Variants in RNF40 observed in about 807,000 individuals in gnomAD.
RNF40 encodes ring finger protein 40.
In RNF40, 39 loss-of-function variants were observed where a neutral mutation model predicts 123.3. The ratio of observed to expected loss-of-function variants is 0.32; its 90% CI spans 0.24 to 0.41. RNF40 has a LOEUF of 0.41. Ranked by LOEUF, RNF40 falls within the 10% of genes least tolerant of loss-of-function variation. The pLI, the probability that RNF40 is intolerant of heterozygous loss-of-function variation, is 1.00. For missense variants in RNF40, 1,003 were observed against 1,319.9 expected, an observed-to-expected ratio of 0.76 and a Z score of 3.72; for synonymous variants, 538 against 526.0, an observed-to-expected ratio of 1.02 and a Z score of -0.31.
intron 19 of RNF40, 144 bp downstream of exon 19, chr16:30,772,334 G>A (rs2054162726): frequency 2.7e-6 from 2 of 749,658 alleles, no homozygotes; most frequent in African/African-American, 1.7e-5. Flanking sequence ...GTCAAATGCT[G>A]TTTGCTGTAC....
At position 30,763,559 on chromosome 16, in the gene RNF40, G is replaced by A. The variant is rs558403561; in HGVS notation, c.442G>A (p.Asp148Asn). Residue 148 changes from aspartate to asparagine, a missense_variant and splice_region_variant, in exon 4 of 20, where the codon GAC (aspartate) becomes AAC (asparagine). By Grantham distance (23) the Asp-to-Asn change is conservative (BLOSUM62 1). This residue lies in a region of RNF40 where 104 missense variants were observed against 85.2 expected (regional missense o/e 1.22). Coordinates refer to ENST00000324685, the MANE Select transcript of RNF40 (RefSeq NM_014771.4). ...LPEPGTSELRDPLLMQLRPPL... is the reference protein window; with the variant it reads ...LPEPGTSELRNPLLMQLRPPL... ...AGAGCCGGGGACATCAGAGCTGAGA[G>A]GTAGGACCAGAGTGCTGGGATCTGG... is the stretch of plus-strand genomic sequence containing the variant. The A allele has an allele frequency of 7.4e-6, 12 of 1,613,926 alleles. 1 individual carries two copies. The South Asian group carries it at 1.3e-4, about 18-fold the overall frequency.
chr16:30,764,109 T>C (rs2053976710), intron 4 of RNF40, 70 bp from the exon 5 acceptor site: 1 of 1,310,110 alleles, frequency 7.6e-7, no homozygotes, highest in Non-Finnish European at 1.1e-6. Context: ...AAGGGCTCAG[T>C]CTGGAACTTG....
In RNF40 at chr16:30,771,976, G is replaced by A. The variant is rs778484402; in HGVS notation, c.2727+3G>A. The A allele has an allele frequency of 5.7e-6, 9 of 1,586,548 alleles. No homozygotes were observed. The East Asian group carries it at 1.6e-4, about 28-fold the overall frequency. Reference sequence around the variant, plus strand: ...GCTTCAACCTCAAGAGGGCTCAGGTGTGTGCAGGGGTGAGGGGCCAGGCCA... The same window carrying A: ...GCTTCAACCTCAAGAGGGCTCAGGTATGTGCAGGGGTGAGGGGCCAGGCCA... On this transcript the variant is annotated splice_donor_region_variant and intron_variant, in intron 18 of 19. Transcript: ENST00000324685.
In RNF40 at chr16:30,774,795, G is replaced by A. The variant is rs2054205074; in HGVS notation, c.*681G>A. On this transcript the variant is annotated 3_prime_UTR_variant, in exon 20 of 20. Coordinates refer to ENST00000324685, the MANE Select transcript of RNF40 (RefSeq NM_014771.4). ...CATCATCAGTTTCTATTCTAATCAG[G>A]CCCCTTCCCAATCTCCATTTCTCTG... is the stretch of plus-strand genomic sequence containing the variant. 2.7e-6 allele frequency: 1 copy of A among 364,296 alleles called. No individual in the cohort carries two copies. The highest frequency in any genetic ancestry group is 2.1e-5 in the African/African-American group (1 of 47,022). The allele number at this position is 364,296 out of a possible 1,614,324, so 22.6% of individuals were successfully genotyped here.
In RNF40 at chr16:30,766,900, G is replaced by C; in HGVS notation, c.1429+24G>C. On this transcript the variant is annotated intron_variant, in intron 11 of 19. Coordinates refer to ENST00000324685, the MANE Select transcript of RNF40 (RefSeq NM_014771.4). This position sits in a 1 kb window ranked among gnomAD's most constrained non-coding sequence, Gnocchi z 5.4. The stretch of plus-strand genomic sequence containing the variant: ...GGGTATGTGGTGAGGATAGGGCGGA[G>C]GTGGGGCCTTATCTGGGAGTGCTGG... The C allele has an allele frequency of 1.9e-6, 3 of 1,608,854 alleles. No homozygotes were observed. Among genetic ancestry groups the C allele is most frequent in the Non-Finnish European group, 2.5e-6 (3 of 1,177,588 alleles).
In RNF40 at chr16:30,764,186, G is replaced by A; in HGVS notation, c.450G>A (p.Leu150=). 1 of 1,608,368 alleles carries A rather than the reference G, an allele frequency of 6.2e-7. No individual in the cohort carries two copies. The highest frequency in any genetic ancestry group is 1.3e-5 in the African/African-American group (1 of 74,932). The change falls in exon 5 of 20, where the codon TTG becomes TTA. Residue 150 remains leucine, a synonymous_variant. Transcript: ENST00000324685. ...EPGTSELRDP[L]LMQLRPPLSE... ...TCTGTCCATTCCTTCCAGACCCCTT[G>A]CTGATGCAGCTGCGGCCCCCTCTCA...
In RNF40 at chr16:30,766,278, T is replaced by C. The variant is rs1420193175; in HGVS notation, c.1109T>C (p.Leu370Pro). ...LQGAVRTNERLKVALRSLPEE... is the reference protein window; with the variant it reads ...LQGAVRTNERPKVALRSLPEE... ...GGGGCTGTGCGGACCAATGAGCGCC[T>C]CAAGGTGGGCTGCTGTAGGGGCTGA... Residue 370 changes from leucine to proline, a missense_variant, in exon 9 of 20, where the codon CTC becomes CCC. This residue lies in a region of RNF40 where 274 missense variants were observed against 356.9 expected (regional missense o/e 0.77). Coordinates refer to ENST00000324685, the MANE Select transcript of RNF40 (RefSeq NM_014771.4). This position sits in a 1 kb window ranked among gnomAD's most constrained non-coding sequence, Gnocchi z 5.4. The C allele has an allele frequency of 1.2e-6, 2 of 1,613,924 alleles. No individual in the cohort carries two copies. Among genetic ancestry groups the C allele is most frequent in the Non-Finnish European group, 1.7e-6 (2 of 1,179,990 alleles).
At chr16:30,761,647 T>C, upstream of RNF40, 1 of 1,535,920 alleles carries the variant, frequency 6.5e-7, no homozygotes. Flanking sequence ...ACCCATGCAC[T>C]GAGCTGCGAT....
chr16:30,769,707 G>A, intron 17 of RNF40, 107 bp downstream of exon 17: 1 of 1,241,774 alleles, frequency 8.1e-7, no homozygotes, highest in Non-Finnish European at 1.1e-6. Context: ...AAGCCAGGCT[G>A]TCACAGAACA....
At position 30,769,002 on chromosome 16, in the gene RNF40, G is replaced by T. The variant is rs777746400; in HGVS notation, c.2247+15G>T. ...CCACCAAGCAGGTGCGGCCCATGTGGTGCCCTCGCGTCGGAGCGCAGGGAG... is the reference window on the plus strand; with the variant it reads ...CCACCAAGCAGGTGCGGCCCATGTGTTGCCCTCGCGTCGGAGCGCAGGGAG... On this transcript the variant is annotated intron_variant, in intron 15 of 19. Coordinates refer to ENST00000324685, the MANE Select transcript of RNF40 (RefSeq NM_014771.4). The T allele has an allele frequency of 1.9e-6, 3 of 1,613,734 alleles. No homozygotes were observed. The highest frequency in any genetic ancestry group is 8.5e-7 in the Non-Finnish European group (1 of 1,179,930).
Position 30,766,814 on chromosome 16 carries a change from G to T in RNF40, c.1367G>T (p.Arg456Leu). The change falls in exon 11 of 20, where the codon CGC (arginine) becomes CTC (leucine). Residue 456 changes from arginine to leucine, a missense_variant. By Grantham distance (102) the Arg-to-Leu change is moderately radical. Coordinates refer to ENST00000324685, the MANE Select transcript of RNF40 (RefSeq NM_014771.4). The surrounding 1 kb of genome is among the most constrained non-coding windows in gnomAD (Gnocchi z 5.4). ...IQLEDTLAQV[R>L]KEYEMLRIEF... ...CTGGAGGACACGCTGGCCCAGGTAC[G>T]CAAGGAGTATGAGATGCTGCGCATC... The T allele has an allele frequency of 2.5e-6, 4 of 1,613,996 alleles. No individual in the cohort carries two copies. Among genetic ancestry groups the T allele is most frequent in the South Asian group, 1.1e-5 (1 of 91,064 alleles).
At chr16:30,770,795 T>G (rs1357186501) in intron 17 of RNF40, among the ~76,000 whole-genome samples, 1 of 152,172 alleles carries the variant, frequency 6.6e-6, no homozygotes, top group Non-Finnish European at 1.5e-5. Flanking sequence ...CACTGCAACC[T>G]CCGCCTCCCA....
Position 30,775,161 on chromosome 16 carries a change from A to T in RNF40, c.*1047A>T, listed in dbSNP as rs2151337601. ...ATGCTTGTATAGGCTGTTAATTGTG[A>T]TGAATAAACGTTCAACCCTCGGCCT... On this transcript the variant is annotated 3_prime_UTR_variant, in exon 20 of 20. Coordinates refer to ENST00000324685, the MANE Select transcript of RNF40 (RefSeq NM_014771.4). The T allele has an allele frequency of 2.7e-6, 1 of 373,856 alleles. No individual in the cohort carries two copies. The highest frequency in any genetic ancestry group is 2.0e-5 in the South Asian group (1 of 51,164). 23.2% of individuals were successfully genotyped at this position (373,856 alleles called of 1,614,324 possible).
At chr16:30,773,792 A>T in intron 19 of RNF40, 146 bp from the exon 20 acceptor site, 1 of 764,910 alleles carries the variant, frequency 1.3e-6, no homozygotes, top group Non-Finnish European at 2.1e-6. Flanking sequence ...GCTCATTCAT[A>T]GAGTGCTCGT....
At chr16:30,769,107 G>A (rs899762690) in intron 15 of RNF40, 79 bp from the exon 16 acceptor site, 95 of 1,595,388 alleles carry the variant, frequency 6.0e-5, no homozygotes, top group Non-Finnish European at 7.9e-5. Flanking sequence ...TCTTTGCTTC[G>A]CTGCGTTTTC....
intron 4 of RNF40, 125 bp from the exon 5 acceptor site, chr16:30,764,054 A>C: frequency 1.4e-6 from 1 of 700,794 alleles, no homozygotes; most frequent in South Asian, 1.9e-5. Context: ...GATGGAGATA[A>C]TAGTGCACTA....
chr16:30,771,797 C>T (rs1247947765), intron 17 of RNF40, 36 bp from the exon 18 acceptor site: 1 of 1,526,502 alleles, frequency 6.6e-7, no homozygotes. Flanking sequence ...TCACCAGGCT[C>T]AGACCAGTGC....
At chr16:30,763,641 T>C in intron 4 of RNF40, 82 bp downstream of exon 4, 4 of 1,438,386 alleles carry the variant, frequency 2.8e-6, no homozygotes, top group East Asian at 2.4e-5. Flanking sequence ...GTTGGGCCCC[T>C]GAATTGCCTA....
intron 4 of RNF40, among the ~76,000 whole-genome samples, chr16:30,763,899 C>T (rs754156852): frequency 9.2e-5 from 14 of 152,102 alleles, no homozygotes; most frequent in Non-Finnish European, 5.9e-5. Context: ...GCTCCTGAAA[C>T]GGAATGATTG....
Sources: allele counts gnomAD v4.1 joint callset (sites outside exome capture counted in the v4.1 genomes callset), GRCh38; gene constraint gnomAD v4.1.1; regional missense constraint gnomAD v4.1.1; non-coding constraint Gnocchi (gnomAD v3.1); transcripts MANE v1.5; gene names NCBI Gene and HGNC (gene_info 2026-07-23, HGNC 2026-07-21).